FZD1: variants seen among roughly 807,000 people sequenced by gnomAD.
FZD1 encodes the protein frizzled class receptor 1, also known as frizzled-1.
FZD1 carries 22 observed loss-of-function variants against 48.0 expected under a neutral mutation model. The ratio of observed to expected loss-of-function variants is 0.46; its 90% CI spans 0.33 to 0.65. The LOEUF (loss-of-function observed/expected upper bound fraction) is 0.65, where lower values mean the gene tolerates loss of function less well. Among genes scored for constraint, FZD1 ranks in the 30% least tolerant of loss-of-function variants. FZD1 has a pLI of 0.02. For synonymous variants in FZD1, 486 were observed against 409.6 expected (o/e 1.19, Z -2.25); for missense variants, 843 against 898.1 (o/e 0.94, Z 0.78).
In FZD1 at chr7:91,264,658, A is replaced by G; in HGVS notation, c.-223A>G. 7.7e-6 allele frequency: 3 copies of G among 389,948 alleles called. No homozygotes were observed. Among genetic ancestry groups the G allele is most frequent in the East Asian group, 7.4e-5 (2 of 27,072 alleles). 24.2% of individuals were successfully genotyped at this position (389,948 alleles called of 1,614,324 possible). ...GCGGGACACGACCCCGGCGCGCCCT[A>G]GCCACCCGGGTTCTCCCCGCCGCCC... is the stretch of plus-strand genomic sequence containing the variant. On this transcript the variant is annotated 5_prime_UTR_variant, in exon 1 of 1. Transcript: ENST00000287934.
rs1803953970 is a variant in FZD1, at chr7:91,270,610, T to G, written c.*3786T>G. ...ATTTCAGGACTTGAGTGGCCGCAGA[T>G]CACTGTCCCTGATAGCATGTTTCAA... is the stretch of plus-strand genomic sequence containing the variant. On this transcript the variant is annotated 3_prime_UTR_variant, in exon 1 of 1. Coordinates refer to ENST00000287934, the MANE Select transcript of FZD1 (RefSeq NM_003505.2). 6.0e-6 allele frequency: 1 copy of G among 167,082 alleles called. No individual in the cohort carries two copies. The highest frequency in any genetic ancestry group is 1.5e-5 in the Non-Finnish European group (1 of 68,126). 10.3% of individuals were successfully genotyped at this position (167,082 alleles called of 1,614,324 possible).
In FZD1 at chr7:91,265,438, C is replaced by G; in HGVS notation, c.558C>G (p.Pro186=). 1 of 1,613,472 alleles carries G rather than the reference C, an allele frequency of 6.2e-7. No homozygotes were observed. The highest frequency in any genetic ancestry group is 8.5e-7 in the Non-Finnish European group (1 of 1,179,808). ...CCGTGCTAGAGCAGGCGCTGCCGCC[C>G]TGCCGCTCCCTGTGCGAGCGCGCGC... is the stretch of plus-strand genomic sequence containing the variant. ...VCTVLEQALP[P]CRSLCERARQ... is the part of the protein sequence containing the mutation. Residue 186 remains proline (P), a synonymous_variant, in exon 1 of 1, where the codon CCC becomes CCG. Transcript: ENST00000287934. The surrounding 1 kb of genome is among the most constrained non-coding windows in gnomAD (Gnocchi z 6.9).
chr7:91,265,865 C>T lies in FZD1; in HGVS notation c.985C>T (p.Leu329=), dbSNP rs1261641776. 1 of 1,613,866 alleles carries T rather than the reference C, an allele frequency of 6.2e-7. No individual in the cohort carries two copies. The highest frequency in any genetic ancestry group is 2.2e-5 in the East Asian group (1 of 44,860). ...CACCTGGATTGGCATTTGGTCAGTGCTGTGCTGCGCCTCCACGCTCTTCAC... is the reference window on the plus strand; with the variant it reads ...CACCTGGATTGGCATTTGGTCAGTGTTGTGCTGCGCCTCCACGCTCTTCAC... The part of the protein sequence containing the change: ...SRTWIGIWSV[L]CCASTLFTVL... Residue 329 remains leucine, a synonymous_variant, in exon 1 of 1, where the codon CTG becomes TTG. Transcript: ENST00000287934. The surrounding 1 kb of genome is among the most constrained non-coding windows in gnomAD (Gnocchi z 6.9).
rs1803866817 is a variant in FZD1, at chr7:91,265,693, A to G, written c.813A>G (p.Arg271=). ...GFPGGAGASE[R]GKFSCPRALK... ...CGGGGGGCGCCGGCGCGTCGGAGCG[A>G]GGCAAGTTCTCCTGCCCGCGCGCCC... The change falls in exon 1 of 1, where the codon CGA becomes CGG. Residue 271 remains arginine (R), a synonymous_variant. Transcript: ENST00000287934. The surrounding 1 kb of genome is among the most constrained non-coding windows in gnomAD (Gnocchi z 6.9). 6.3e-7 allele frequency: 1 copy of G among 1,592,986 alleles called. No individual in the cohort carries two copies. The highest frequency in any genetic ancestry group is 1.1e-5 in the South Asian group (1 of 89,284).
At position 91,268,123 on chromosome 7, in the gene FZD1, C is replaced by T. The variant is rs1434342507; in HGVS notation, c.*1299C>T. The T allele has an allele frequency of 6.0e-6, 1 of 166,954 alleles. No homozygotes were observed. Among genetic ancestry groups the T allele is most frequent in the Non-Finnish European group, 1.5e-5 (1 of 68,102 alleles). The allele number at this position is 166,954 out of a possible 1,614,324, so 10.3% of individuals were successfully genotyped here. Reference sequence around the variant, plus strand: ...CTTCCTCAAAATGAAGTGCTATTTTCTTATTTTTAATCAAATAACTAGACA... The same window carrying T: ...CTTCCTCAAAATGAAGTGCTATTTTTTTATTTTTAATCAAATAACTAGACA... On this transcript the variant is annotated 3_prime_UTR_variant, in exon 1 of 1. Coordinates refer to ENST00000287934, the MANE Select transcript of FZD1 (RefSeq NM_003505.2).
At position 91,268,107 on chromosome 7, in the gene FZD1, A is replaced by T. The variant is rs1296486677; in HGVS notation, c.*1283A>T. ...ATTTCAGTGTCATGGACTTCCTCAA[A>T]ATGAAGTGCTATTTTCTTATTTTTA... is the stretch of plus-strand genomic sequence containing the variant. On this transcript the variant is annotated 3_prime_UTR_variant, in exon 1 of 1. Transcript: ENST00000287934. 1.2e-5 allele frequency: 2 copies of T among 167,040 alleles called. No individual in the cohort carries two copies. Among genetic ancestry groups the T allele is most frequent in the Non-Finnish European group, 2.9e-5 (2 of 68,122 alleles). The allele number at this position is 167,040 out of a possible 1,614,324, so 10.3% of individuals were successfully genotyped here.
In FZD1 at chr7:91,267,498, G is replaced by A. The variant is rs918405279; in HGVS notation, c.*674G>A. ...CACAAACCTTCCAAATCTGGAGGAGGGCCCCCATACATTACAATTCCTCCC... is the reference window on the plus strand; with the variant it reads ...CACAAACCTTCCAAATCTGGAGGAGAGCCCCCATACATTACAATTCCTCCC... On this transcript the variant is annotated 3_prime_UTR_variant, in exon 1 of 1. Transcript: ENST00000287934. 1 of 167,158 alleles carries A rather than the reference G, an allele frequency of 6.0e-6. No individual in the cohort carries two copies. Among genetic ancestry groups the A allele is most frequent in the African/African-American group, 2.4e-5 (1 of 41,452 alleles). The allele number at this position is 167,158 out of a possible 1,614,324, so 10.4% of individuals were successfully genotyped here. A position where few individuals can be genotyped will look rare whatever the true frequency, so the allele number is the denominator to read the frequency against.
At position 91,265,617 on chromosome 7, in the gene FZD1, T is replaced by C; in HGVS notation, c.737T>C (p.Phe246Ser). 1.2e-6 allele frequency: 2 copies of C among 1,602,988 alleles called. No homozygotes were observed. Among genetic ancestry groups the C allele is most frequent in the African/African-American group, 2.7e-5 (2 of 74,684 alleles). The change falls in exon 1 of 1, where the codon TTC becomes TCC. Residue 246 changes from phenylalanine to serine, a missense_variant. This residue lies in a region of FZD1 where 490 missense variants were observed against 466.5 expected (regional missense o/e 1.05). Coordinates refer to ENST00000287934, the MANE Select transcript of FZD1 (RefSeq NM_003505.2). The surrounding 1 kb of genome is among the most constrained non-coding windows in gnomAD (Gnocchi z 6.9). ...CCGACGCCCTCGCTGCTTCCAGAGTTCTGGACCAGCAACCCTCAGCACGGC... is the reference window on the plus strand; with the variant it reads ...CCGACGCCCTCGCTGCTTCCAGAGTCCTGGACCAGCAACCCTCAGCACGGC... ...GTPTPSLLPE[F>S]WTSNPQHGGG...
At position 91,265,761 on chromosome 7, in the gene FZD1, A is replaced by C; in HGVS notation, c.881A>C (p.Lys294Thr). The C allele has an allele frequency of 6.2e-7, 1 of 1,612,424 alleles. No individual in the cohort carries two copies. The highest frequency in any genetic ancestry group is 8.5e-7 in the Non-Finnish European group (1 of 1,178,900). ...CTCAACTACCACTTCCTGGGGGAGA[A>C]GGACTGCGGCGCACCTTGTGAGCCG... ...SYLNYHFLGE[K>T]DCGAPCEPTK... The change falls in exon 1 of 1, where the codon AAG becomes ACG. Residue 294 changes from lysine to threonine, a missense_variant. This residue lies in a region of FZD1 where 490 missense variants were observed against 466.5 expected (regional missense o/e 1.05). Transcript: ENST00000287934. The surrounding 1 kb of genome is among the most constrained non-coding windows in gnomAD (Gnocchi z 6.9).
In FZD1 at chr7:91,264,860, CAA is replaced by C. The variant is rs1192698040; in HGVS notation, c.-20_-19del. 2 of 1,281,456 alleles carry C rather than the reference CAA, an allele frequency of 1.6e-6. No individual in the cohort carries two copies. Among genetic ancestry groups the C allele is most frequent in the African/African-American group, 3.1e-5 (2 of 64,358 alleles). The allele number at this position is 1,281,456 out of a possible 1,614,324, so 79.4% of individuals were successfully genotyped here. A position where few individuals can be genotyped will look rare whatever the true frequency, so the allele number is the denominator to read the frequency against. ...CCTGGCAGCCCCAGCGGAGCGGCGC[CAA>C]GAGAGGAGCCGAGAAAGTATGGCTG... On this transcript the variant is annotated 5_prime_UTR_variant, in exon 1 of 1. Coordinates refer to ENST00000287934, the MANE Select transcript of FZD1 (RefSeq NM_003505.2).
chr7:91,264,796 G>A lies in FZD1; in HGVS notation c.-85G>A, dbSNP rs1803840135. ...CTCGACGGAGGGCACCCGCGCAGAG[G>A]TCTCCCTGGCCGCAGGGGGAGCCGC... On this transcript the variant is annotated 5_prime_UTR_variant, in exon 1 of 1. Coordinates refer to ENST00000287934, the MANE Select transcript of FZD1 (RefSeq NM_003505.2). 2.2e-6 allele frequency: 2 copies of A among 929,678 alleles called. No homozygotes were observed. The highest frequency in any genetic ancestry group is 4.0e-5 in the South Asian group (1 of 25,052). 57.6% of individuals were successfully genotyped at this position (929,678 alleles called of 1,614,324 possible). A position where few individuals can be genotyped will look rare whatever the true frequency, so the allele number is the denominator to read the frequency against.
At position 91,266,039 on chromosome 7, in the gene FZD1, G is replaced by A; in HGVS notation, c.1159G>A (p.Glu387Lys). 6.2e-7 allele frequency: 1 copy of A among 1,614,182 alleles called. No homozygotes were observed. The highest frequency in any genetic ancestry group is 8.5e-7 in the Non-Finnish European group (1 of 1,180,030). The change falls in exon 1 of 1, where the codon GAG becomes AAG. Residue 387 changes from glutamate to lysine, a missense_variant. By Grantham distance (56) the Glu-to-Lys change is moderately conservative. This residue lies in a region of FZD1 where 353 missense variants were observed against 431.6 expected (regional missense o/e 0.82). Transcript: ENST00000287934. The surrounding 1 kb of genome is among the most constrained non-coding windows in gnomAD (Gnocchi z 6.8). Reference protein sequence around the residue: ...DRVVCNDKFAEDGARTVAQGT... With the variant: ...DRVVCNDKFAKDGARTVAQGT... ...AGTGGTGTGTAATGACAAGTTCGCC[G>A]AGGACGGGGCACGCACTGTGGCGCA...
rs183134538 is a variant in FZD1 at position 91,267,330 on chromosome 7, G to A, written c.*506G>A. 1.2e-5 allele frequency: 2 copies of A among 168,692 alleles called. No individual in the cohort carries two copies. Among genetic ancestry groups the A allele is most frequent in the African/African-American group, 4.8e-5 (2 of 41,558 alleles). 10.4% of individuals were successfully genotyped at this position (168,692 alleles called of 1,614,324 possible). A position where few individuals can be genotyped will look rare whatever the true frequency, so the allele number is the denominator to read the frequency against. ...CTCGGGACGGCTGGGCGCCAGCTCC[G>A]GGGCGAGTTCAGCACTGCGGGGTGC... On this transcript the variant is annotated 3_prime_UTR_variant, in exon 1 of 1. Coordinates refer to ENST00000287934, the MANE Select transcript of FZD1 (RefSeq NM_003505.2).
Position 91,267,543 on chromosome 7 carries a change from G to C in FZD1, c.*719G>C, listed in dbSNP as rs192284995. ...CCTCCCTTGCTCGGCGGTGGATTGC[G>C]AAGGCCCGTCCCTTCGACTTCCTGA... On this transcript the variant is annotated 3_prime_UTR_variant, in exon 1 of 1. Coordinates refer to ENST00000287934, the MANE Select transcript of FZD1 (RefSeq NM_003505.2). 1 of 167,146 alleles carries C rather than the reference G, an allele frequency of 6.0e-6. No individual in the cohort carries two copies. Among genetic ancestry groups the C allele is most frequent in the East Asian group, 1.9e-4 (1 of 5,202 alleles). 10.4% of individuals were successfully genotyped at this position (167,146 alleles called of 1,614,324 possible). A position where few individuals can be genotyped will look rare whatever the true frequency, so the allele number is the denominator to read the frequency against.
rs1404360463 is a variant in FZD1, at chr7:91,269,974, A to T, written c.*3150A>T. On this transcript the variant is annotated 3_prime_UTR_variant, in exon 1 of 1. Transcript: ENST00000287934. Reference sequence around the variant, plus strand: ...TTAAATAGCTTTAGAAGACATTTTTAAGTCACCACCAGCCTTTATTCTTAG... The same window carrying T: ...TTAAATAGCTTTAGAAGACATTTTTTAGTCACCACCAGCCTTTATTCTTAG... 6.0e-6 allele frequency: 1 copy of T among 167,090 alleles called. No homozygotes were observed. The highest frequency in any genetic ancestry group is 1.5e-5 in the Non-Finnish European group (1 of 68,108). The allele number at this position is 167,090 out of a possible 1,614,324, so 10.4% of individuals were successfully genotyped here.
rs1411642804 is a variant in FZD1, at chr7:91,269,707, T to G, written c.*2883T>G. 6.0e-6 allele frequency: 1 copy of G among 166,992 alleles called. No homozygotes were observed. Among genetic ancestry groups the G allele is most frequent in the Non-Finnish European group, 1.5e-5 (1 of 68,088 alleles). 10.3% of individuals were successfully genotyped at this position (166,992 alleles called of 1,614,324 possible). ...TGCAATTTTGTGTTCCCTTTTTCTT[T>G]GTTACATTAACATAATATAGTAGAT... is the stretch of plus-strand genomic sequence containing the variant. On this transcript the variant is annotated 3_prime_UTR_variant, in exon 1 of 1. Transcript: ENST00000287934.
Position 91,268,632 on chromosome 7 carries a change from C to T in FZD1, c.*1808C>T, listed in dbSNP as rs1433575236. 2 of 166,376 alleles carry T rather than the reference C, an allele frequency of 1.2e-5. No homozygotes were observed. Among genetic ancestry groups the T allele is most frequent in the Non-Finnish European group, 2.9e-5 (2 of 68,052 alleles). 10.3% of individuals were successfully genotyped at this position (166,376 alleles called of 1,614,324 possible). ...ATTCTGTTCACTATCACAAAATCAT[C>T]TATATTTATAGAGGAATAGAAGTTT... On this transcript the variant is annotated 3_prime_UTR_variant, in exon 1 of 1. Transcript: ENST00000287934.
Position 91,266,683 on chromosome 7 carries a change from G to C in FZD1, c.1803G>C (p.Thr601=), listed in dbSNP as rs368194642. ...ACCCGCCCATGAGCCCGGACTTCAC[G>C]GTCTTCATGATTAAGTACCTTATGA... ...PPHPPMSPDF[T]VFMIKYLMTL... Residue 601 remains threonine (T), a synonymous_variant, in exon 1 of 1, where the codon ACG becomes ACC. Coordinates refer to ENST00000287934, the MANE Select transcript of FZD1 (RefSeq NM_003505.2). This position sits in a 1 kb window ranked among gnomAD's most constrained non-coding sequence, Gnocchi z 6.8. 1.9e-6 allele frequency: 3 copies of C among 1,612,364 alleles called. No homozygotes were observed. Among genetic ancestry groups the C allele is most frequent in the Non-Finnish European group, 2.5e-6 (3 of 1,179,038 alleles).
rs770002312 is a variant in FZD1 at position 91,265,804 on chromosome 7, C to T, written c.924C>T (p.Leu308=). The change falls in exon 1 of 1, where the codon CTC becomes CTT. Residue 308 remains leucine (L), a synonymous_variant. Coordinates refer to ENST00000287934, the MANE Select transcript of FZD1 (RefSeq NM_003505.2). This position sits in a 1 kb window ranked among gnomAD's most constrained non-coding sequence, Gnocchi z 6.9. ...APCEPTKVYG[L]MYFGPEELRF... The stretch of plus-strand genomic sequence containing the variant: ...GTGAGCCGACCAAGGTGTATGGGCT[C>T]ATGTACTTCGGGCCCGAGGAGCTGC... 3.1e-6 allele frequency: 5 copies of T among 1,613,580 alleles called. No homozygotes were observed. Among genetic ancestry groups the T allele is most frequent in the Non-Finnish European group, 4.2e-6 (5 of 1,179,740 alleles).
Sources: allele counts gnomAD v4.1 joint callset, GRCh38; gene constraint gnomAD v4.1.1; regional missense constraint gnomAD v4.1.1; non-coding constraint Gnocchi (gnomAD v3.1); transcripts MANE v1.5; gene names NCBI Gene and HGNC (gene_info 2026-07-23, HGNC 2026-07-21).